Variants in CTNNA2 observed in about 807,000 individuals in gnomAD.
CTNNA2 encodes catenin alpha 2.
A neutral mutation model predicts 101.0 loss-of-function variants in CTNNA2; 42 were observed. The ratio of observed to expected loss-of-function variants is 0.42; its 90% CI spans 0.32 to 0.54. The LOEUF (loss-of-function observed/expected upper bound fraction) is 0.54, where lower values mean the gene tolerates loss of function less well. Among genes scored for constraint, CTNNA2 ranks in the 20% least tolerant of loss-of-function variants. The pLI, the probability that CTNNA2 is intolerant of heterozygous loss-of-function variation, is 0.14. For missense variants in CTNNA2, 871 were observed against 1,223.1 expected (o/e 0.71, Z 4.29); for synonymous variants, 450 against 456.4 (o/e 0.99, Z 0.18).
intron 7 of CTNNA2, among the ~76,000 whole-genome samples, chr2:79,921,627 G>A (rs1405635805): frequency 2.0e-5 from 3 of 152,168 alleles, no homozygotes; most frequent in Admixed American, 6.5e-5. Flanking sequence ...TGGAAGGACT[G>A]TACTCTCAAA....
At chr2:79,383,998 C>T (rs933121817) in intron 4 of CTNNA2, among the ~76,000 whole-genome samples, 1 of 152,056 alleles carries the variant, frequency 6.6e-6, no homozygotes, top group African/African-American at 2.4e-5. Context: ...TCATTGTGGT[C>T]TGAAGAGTGG....
At chr2:80,561,674 T>A (rs1000095041) in intron 12 of CTNNA2, among the ~76,000 whole-genome samples, 3 of 152,080 alleles carry the variant, frequency 2.0e-5, no homozygotes, top group Non-Finnish European at 4.4e-5. Flanking sequence ...TCCTCTCTCT[T>A]TTTTTGAGAT....
chr2:80,639,296 G>A (rs1389612143), intron 18 of CTNNA2, among the ~76,000 whole-genome samples: 6 of 152,080 alleles, frequency 3.9e-5, no homozygotes, highest in Non-Finnish European at 1.5e-5. Flanking sequence ...TACAACCTCC[G>A]CCTCCTGGGT....
At chr2:80,528,449 G>C (rs553777060) in intron 9 of CTNNA2, among the ~76,000 whole-genome samples, 1 of 152,110 alleles carries the variant, frequency 6.6e-6, no homozygotes, top group South Asian at 2.1e-4. Context: ...GCCTGCCTCA[G>C]CCTCCCAAAG....
At chr2:80,060,889 G>T (rs1697555347) in intron 7 of CTNNA2, among the ~76,000 whole-genome samples, 1 of 152,222 alleles carries the variant, frequency 6.6e-6, no homozygotes, top group South Asian at 2.1e-4. Context: ...AAGCTGCTTT[G>T]CCCAGGGTTA....
chr2:80,185,565 A>G (rs746246108), intron 7 of CTNNA2, among the ~76,000 whole-genome samples: 17 of 152,224 alleles, frequency 1.1e-4, no homozygotes, highest in Non-Finnish European at 2.1e-4. Flanking sequence ...GTGAAATGTC[A>G]GGTTTATCAC....
intron 9 of CTNNA2, among the ~76,000 whole-genome samples, chr2:80,513,660 A>G (rs752285052): frequency 9.2e-5 from 14 of 152,208 alleles, no homozygotes; most frequent in Non-Finnish European, 1.6e-4. Flanking sequence ...TGGAACGCAT[A>G]GTCTGGAGGG....
chr2:80,531,825 A>G (rs1057457533), intron 9 of CTNNA2, among the ~76,000 whole-genome samples: 1 of 152,178 alleles, frequency 6.6e-6, no homozygotes, highest in Admixed American at 6.5e-5. Context: ...ATTTCCTGCT[A>G]TGACGATGCT....
At chr2:80,061,313 A>G (rs1331184308) in intron 7 of CTNNA2, among the ~76,000 whole-genome samples, 2 of 152,232 alleles carry the variant, frequency 1.3e-5, no homozygotes, top group Admixed American at 1.3e-4. Context: ...AATGACAAAA[A>G]GAATGAGACA....
intron 7 of CTNNA2, among the ~76,000 whole-genome samples, chr2:80,045,891 C>T (rs574364205): frequency 2.3e-4 from 35 of 152,072 alleles, no homozygotes; most frequent in African/African-American, 8.2e-4. Context: ...TAATCAACCT[C>T]GACAGTCACT....
intron 7 of CTNNA2, among the ~76,000 whole-genome samples, chr2:80,281,995 G>A (rs192495374): frequency 1.3e-5 from 2 of 151,596 alleles, no homozygotes; most frequent in East Asian, 1.9e-4. Context: ...ATGTTGATCC[G>A]GCATTGTAGT....
chr2:79,471,727 A>G lies in CTNNA2; in HGVS notation c.-134-33327A>G, dbSNP rs60370846. Among the ~76,000 whole-genome samples the G allele has an allele frequency of 0.011, 1,629 of 152,126 alleles. 79 individuals carry two copies. The East Asian group carries it at 0.13, about 12-fold the overall frequency. On this transcript the variant is annotated intron_variant, in intron 4 of 21. Coordinates refer to the CTNNA2 transcript ENST00000466387. ...GTGGTGGGTGCCTGTAGTCCCAGCT[A>G]TTCGGGAGGCTGAGGCAGAAGAACG... is the stretch of plus-strand genomic sequence containing the variant.
At chr2:80,382,604 A>G (rs1050315650) in intron 7 of CTNNA2, among the ~76,000 whole-genome samples, 1 of 152,202 alleles carries the variant, frequency 6.6e-6, no homozygotes, top group Non-Finnish European at 1.5e-5. Context: ...GGGGTGATGG[A>G]GGAATTACAA....
At chr2:80,013,732 C>T (rs1163623383) in intron 7 of CTNNA2, among the ~76,000 whole-genome samples, 2 of 152,214 alleles carry the variant, frequency 1.3e-5, no homozygotes, top group Admixed American at 6.5e-5. Flanking sequence ...CAAGCATGCT[C>T]TCCCACATTA....
chr2:80,589,895 T>C (rs56947067), intron 15 of CTNNA2, among the ~76,000 whole-genome samples: 234 of 146,768 alleles, frequency 1.6e-3, no homozygotes, highest in African/African-American at 5.9e-3. Flanking sequence ...TGTGTGTGTG[T>C]GTGTGTGTGT....
At chr2:79,392,229 A>G (rs550216883) in intron 4 of CTNNA2, among the ~76,000 whole-genome samples, 1 of 152,340 alleles carries the variant, frequency 6.6e-6, no homozygotes, top group African/African-American at 2.4e-5. Flanking sequence ...ACACTTCAGT[A>G]TGACTGAGAT....
At chr2:80,640,972 T>C (rs1191471064) in intron 18 of CTNNA2, among the ~76,000 whole-genome samples, 2 of 152,186 alleles carry the variant, frequency 1.3e-5, no homozygotes, top group East Asian at 1.9e-4. Context: ...CTTAAAATCG[T>C]TCTTGTTCTT....
intron 1 of CTNNA2, among the ~76,000 whole-genome samples, chr2:79,628,323 G>A (rs1433143122): frequency 6.6e-6 from 1 of 151,908 alleles, no homozygotes; most frequent in Non-Finnish European, 1.5e-5. Context: ...TGTGGTGGCG[G>A]GCACCTGTAA....
Position 80,530,152 on chromosome 2 carries a change from T to TG in CTNNA2, c.1291-14828dup, listed in dbSNP as rs879670812. Reference sequence around the variant, plus strand: ...AGCAGTGGTTACTCGAAGGTCACCTTGGAAAAAAAGGGACTCCATGTGGCA... The same window carrying TG: ...AGCAGTGGTTACTCGAAGGTCACCTTGGGAAAAAAAGGGACTCCATGTGGCA... On this transcript the variant is annotated intron_variant, in intron 9 of 18. Coordinates refer to ENST00000402739, the MANE Select transcript of CTNNA2 (RefSeq NM_001282597.3). Among the ~76,000 whole-genome samples the TG allele has an allele frequency of 3.3e-5, 5 of 152,054 alleles. No individual in the cohort carries two copies. In the South Asian group the frequency reaches 6.2e-4, roughly 19 times the overall value.
Sources: gnomAD v4.1 joint callset for allele counts (sites outside exome capture counted in the v4.1 genomes callset) on GRCh38, gnomAD v4.1.1 for gene constraint, MANE v1.5 for transcripts, NCBI Gene and HGNC (gene_info 2026-07-23, HGNC 2026-07-21) for gene names.